Variants in ZNF280C observed in about 807,000 individuals in gnomAD.
ZNF280C encodes suppressor of hairy wing homolog 3.
ZNF280C carries 14 observed loss-of-function variants against 53.6 expected under a neutral mutation model. The ratio of observed to expected loss-of-function variants is 0.26; its 90% confidence interval spans 0.17 to 0.41. The LOEUF (loss-of-function observed/expected upper bound fraction) is 0.41. Among genes scored for constraint, ZNF280C ranks in the 10% least tolerant of loss-of-function variants. The pLI, the probability that ZNF280C is intolerant of heterozygous loss-of-function variation, is 1.00. For synonymous variants in ZNF280C, 203 were observed against 181.1 expected (o/e 1.12, Z -0.97); for missense variants, 416 against 547.1 (o/e 0.76, Z 2.39).
intron 12 of ZNF280C, among the ~76,000 whole-genome samples, chrX:130,224,007 T>A (rs2032195709): frequency 1.8e-5 from 2 of 111,980 alleles, no homozygotes; most frequent in Non-Finnish European, 3.8e-5. Context: ...GCTGACTGTT[T>A]ACTCTTCAGG....
At chrX:130,220,809 T>G (rs1345499795) in intron 12 of ZNF280C, among the ~76,000 whole-genome samples, 1 of 111,556 alleles carries the variant, frequency 9.0e-6, no homozygotes, top group Non-Finnish European at 1.9e-5. Flanking sequence ...TCCTCAAACC[T>G]AGCCCCATTA....
At chrX:130,233,175 G>C (rs1347650200) in intron 8 of ZNF280C, among the ~76,000 whole-genome samples, 2 of 111,693 alleles carry the variant, frequency 1.8e-5, no homozygotes, top group East Asian at 5.6e-4. Flanking sequence ...GCAGAGAGTA[G>C]AATTGTGATT....
chrX:130,207,760 T>C (rs573288568), intron 16 of ZNF280C, among the ~76,000 whole-genome samples: 3 of 112,226 alleles, frequency 2.7e-5, no homozygotes, highest in African/African-American at 9.7e-5. Context: ...TGTGTATAGT[T>C]TCTGCATTTT....
At chrX:130,234,851 A>G (rs1001779140) in intron 8 of ZNF280C, among the ~76,000 whole-genome samples, 2 of 112,064 alleles carry the variant, frequency 1.8e-5, no homozygotes, top group Non-Finnish European at 3.8e-5. Flanking sequence ...AGAGCTTCCT[A>G]TATTAATAGA....
intron 8 of ZNF280C, among the ~76,000 whole-genome samples, chrX:130,233,637 A>G (rs1346171954): frequency 9.1e-6 from 1 of 109,852 alleles, no homozygotes; most frequent in Non-Finnish European, 1.9e-5. Context: ...AAAAAAAAAA[A>G]AAAAAGATTT....
intron 2 of ZNF280C, 115 bp from the exon 3 acceptor site, chrX:130,247,120 C>A: frequency 1.3e-6 from 1 of 776,851 alleles, no homozygotes; most frequent in Non-Finnish European, 1.8e-6. Context: ...CAATTACTGA[C>A]TTGATATTTG....
At chrX:130,228,198 G>A (rs752671893) in intron 10 of ZNF280C, among the ~76,000 whole-genome samples, 1 of 111,872 alleles carries the variant, frequency 8.9e-6, no homozygotes, top group African/African-American at 3.2e-5. Context: ...GAATCTGGGT[G>A]TTCTAATTTA....
chrX:130,209,767 A>G (rs776405494), intron 15 of ZNF280C, 52 bp from the exon 16 acceptor site: 25 of 994,301 alleles, frequency 2.5e-5, no homozygotes, highest in African/African-American at 5.8e-5. Flanking sequence ...ATACAACACC[A>G]TATTAATTTT....
In ZNF280C at chrX:130,205,394, A is replaced by C. The variant is rs1216024939; in HGVS notation, c.2064T>G (p.Leu688=). 8.3e-7 allele frequency: 1 copy of C among 1,198,428 alleles called. No homozygotes were observed. Among genetic ancestry groups the C allele is most frequent in the East Asian group, 3.0e-5 (1 of 33,741 alleles). Residue 688 remains leucine, a synonymous_variant, in exon 17 of 19, where the codon CTT becomes CTG. Transcript: ENST00000370978. ...GTLRGITLVC[L]KCDFLADSSG... ...AAGAATCAGCTAGGAAATCACATTT[A>C]AGGCACACTAGAGTAATGCCCCTAT... is the stretch of plus-strand genomic sequence containing the variant.
intron 15 of ZNF280C, among the ~76,000 whole-genome samples, chrX:130,214,530 C>A (rs1183762984): frequency 9.0e-6 from 1 of 111,213 alleles, no homozygotes; most frequent in Non-Finnish European, 1.9e-5. Context: ...ATTACATATA[C>A]AGGGGTCCCT....
At chrX:130,240,522 A>G (rs989991340) in intron 5 of ZNF280C, among the ~76,000 whole-genome samples, 2 of 112,112 alleles carry the variant, frequency 1.8e-5, no homozygotes, top group Admixed American at 9.5e-5. Flanking sequence ...CACAAAGTAA[A>G]TATTTTCTCT....
At chrX:130,237,334 A>G (rs1246111021) in intron 6 of ZNF280C, among the ~76,000 whole-genome samples, 1 of 111,667 alleles carries the variant, frequency 9.0e-6, no homozygotes, top group African/African-American at 3.2e-5. Context: ...CAATGGGTCT[A>G]TCTTAGAAAA....
chrX:130,240,244 A>G (rs1168789546), intron 5 of ZNF280C, among the ~76,000 whole-genome samples: 3 of 111,724 alleles, frequency 2.7e-5, no homozygotes, highest in Non-Finnish European at 5.7e-5. Flanking sequence ...TCCCAGTACA[A>G]TGTTCAGTGA....
At chrX:130,222,329 C>CACACAT in intron 12 of ZNF280C, among the ~76,000 whole-genome samples, 1 of 105,703 alleles carries the variant, frequency 9.5e-6, no homozygotes, top group African/African-American at 3.5e-5. Flanking sequence ...CACACACACA[C>CACACAT]ACCCTTCTCT....
At position 130,236,296 on chromosome X, in the gene ZNF280C, T is replaced by C. The variant is rs151127143; in HGVS notation, c.689A>G (p.Asp230Gly). Residue 230 changes from aspartate to glycine, a missense_variant, in exon 8 of 19, where the codon GAT becomes GGT. Asp to Gly is a moderately conservative substitution (Grantham distance 94). Transcript: ENST00000370978. ...SKGTNTSSPY[D>G]AGADYLRACP... ...AGCTCTTAGGTAATCTGCTCCAGCA[T>C]CATATGGAGATGAGGTATTTGTACC... is the stretch of plus-strand genomic sequence containing the variant. The C allele has an allele frequency of 1.5e-4, 178 of 1,201,897 alleles. No homozygotes were observed. Among genetic ancestry groups the C allele is most frequent in the Non-Finnish European group, 1.9e-4 (172 of 890,255 alleles).
chrX:130,216,241 T>C (rs1476654890), intron 13 of ZNF280C, 140 bp from the exon 14 acceptor site: 1 of 482,923 alleles, frequency 2.1e-6, no homozygotes, highest in Non-Finnish European at 3.3e-6. Flanking sequence ...CAAAAAATAG[T>C]CTTGATGAAT....
chrX:130,238,994 T>C (rs967833234), intron 6 of ZNF280C, among the ~76,000 whole-genome samples: 2 of 111,429 alleles, frequency 1.8e-5, no homozygotes, highest in African/African-American at 6.5e-5. Flanking sequence ...ATGAAGAACT[T>C]TGTTATGGTG....
At chrX:130,255,263 C>T (rs2032556627) in intron 2 of ZNF280C, among the ~76,000 whole-genome samples, 1 of 101,403 alleles carries the variant, frequency 9.9e-6, no homozygotes, top group South Asian at 4.6e-4. Flanking sequence ...TCCTCAGCCT[C>T]CCAAGTAGCT....
rs181338420 is a variant in ZNF280C, at chrX:130,207,634, T to A, written c.2042+2019A>T. ...ACCTCAGCTGCCCAAAGTGCTGGGA[T>A]TACAGGCATGAGTCACCGTGCCCGG... On this transcript the variant is annotated intron_variant, in intron 16 of 18. Transcript: ENST00000370978. Among the ~76,000 whole-genome samples the A allele has an allele frequency of 7.7e-3, 858 of 111,564 alleles. 8 individuals carry two copies. Among genetic ancestry groups the A allele is most frequent in the African/African-American group, 0.027 (830 of 30,663 alleles).
Sources: allele counts gnomAD v4.1 joint callset (sites outside exome capture counted in the v4.1 genomes callset), GRCh38; gene constraint gnomAD v4.1.1; transcripts MANE v1.5; gene names NCBI Gene and HGNC (gene_info 2026-07-23, HGNC 2026-07-21).